The following ELMO1 variants were observed in gnomAD, a reference collection of about 807,000 sequenced individuals.
ELMO1 encodes the protein engulfment and cell motility protein 1.
ELMO1 carries 26 observed loss-of-function variants against 98.9 expected under a neutral mutation model. The observed-to-expected ratio is 0.26, with a 90% CI of 0.19 to 0.36. The LOEUF is 0.36. Among genes scored for constraint, ELMO1 ranks in the 10% least tolerant of loss-of-function variants. ELMO1 has a pLI of 1.00. For synonymous variants in ELMO1, 346 were observed against 346.0 expected, an observed-to-expected ratio of 1.00 and a Z score of 0.00; for missense variants, 627 against 935.2, an observed-to-expected ratio of 0.67 and a Z score of 4.30.
chr7:37,393,207 T>G (rs1316234327), intron 1 of ELMO1, among the ~76,000 whole-genome samples: 2 of 152,164 alleles, frequency 1.3e-5, no homozygotes, highest in Non-Finnish European at 2.9e-5. Context: ...ATAAATAAAT[T>G]TCATTCTTCC....
chr7:36,985,788 A>G (rs970440620), intron 16 of ELMO1: 4 of 459,736 alleles, frequency 8.7e-6, no homozygotes, highest in African/African-American at 8.6e-5. Context: ...CTCCTACATC[A>G]TGGGAACCCT....
intron 2 of ELMO1, among the ~76,000 whole-genome samples, chr7:37,323,937 A>G (rs1189920870): frequency 1.3e-5 from 2 of 151,972 alleles, no homozygotes; most frequent in Non-Finnish European, 2.9e-5. Flanking sequence ...CCTCTTCTTG[A>G]TCTCTTAAAA....
intron 5 of ELMO1, among the ~76,000 whole-genome samples, chr7:37,261,757 A>G (rs957093153): frequency 5.3e-5 from 8 of 152,160 alleles, no homozygotes; most frequent in Non-Finnish European, 8.8e-5. Flanking sequence ...TTCTTGCACC[A>G]TGCCTGGCTA....
At chr7:37,049,867 T>A (rs1342180737) in intron 15 of ELMO1, among the ~76,000 whole-genome samples, 2 of 148,908 alleles carry the variant, frequency 1.3e-5, no homozygotes, top group Non-Finnish European at 3.0e-5. Flanking sequence ...AACCTCCGAC[T>A]CCCAGGTTCA....
chr7:37,262,646 A>G (rs1488128855), intron 5 of ELMO1, among the ~76,000 whole-genome samples: 1 of 152,206 alleles, frequency 6.6e-6, no homozygotes, highest in Non-Finnish European at 1.5e-5. Context: ...GCTTTAGGGT[A>G]AATTTCCCTC....
At chr7:37,195,469 C>T (rs529417418) in intron 13 of ELMO1, among the ~76,000 whole-genome samples, 3 of 152,338 alleles carry the variant, frequency 2.0e-5, no homozygotes, top group East Asian at 1.9e-4. Flanking sequence ...ACCGATGGGA[C>T]GCCATTCTAC....
chr7:37,103,928 A>C (rs1784790714), intron 14 of ELMO1, among the ~76,000 whole-genome samples: 1 of 143,872 alleles, frequency 7.0e-6, no homozygotes, highest in African/African-American at 2.5e-5. Flanking sequence ...GGCATATGGC[A>C]TGAACCCGCG....
chr7:37,375,978 G>C (rs1244528173), intron 1 of ELMO1: 1 of 570,024 alleles, frequency 1.8e-6, no homozygotes, highest in African/African-American at 1.9e-5. Flanking sequence ...CTGAATTCCA[G>C]TTTAGAGGAG....
chr7:36,964,985 G>C (rs567735630), intron 16 of ELMO1, among the ~76,000 whole-genome samples: 16 of 152,102 alleles, frequency 1.1e-4, no homozygotes, highest in Non-Finnish European at 4.4e-5. Flanking sequence ...ATCACCCCCC[G>C]CATCCCCCAT....
chr7:37,229,806 A>T (rs1028867061), intron 8 of ELMO1, among the ~76,000 whole-genome samples: 1 of 152,266 alleles, frequency 6.6e-6, no homozygotes, highest in Non-Finnish European at 1.5e-5. Flanking sequence ...GGGAATGAGG[A>T]CATGAAATAG....
At chr7:37,037,382 T>G (rs571608538) in intron 15 of ELMO1, among the ~76,000 whole-genome samples, 1 of 152,292 alleles carries the variant, frequency 6.6e-6, no homozygotes, top group South Asian at 2.1e-4. Flanking sequence ...AGCCAAAAAG[T>G]GATCGGCCAT....
At chr7:36,927,057 T>C (rs1785634367) in intron 16 of ELMO1, among the ~76,000 whole-genome samples, 1 of 152,224 alleles carries the variant, frequency 6.6e-6, no homozygotes, top group African/African-American at 2.4e-5. Context: ...CTAACACTTC[T>C]AGAGAAATTG....
intron 15 of ELMO1, among the ~76,000 whole-genome samples, chr7:37,070,974 C>T (rs376437592): frequency 6.6e-6 from 1 of 152,110 alleles, no homozygotes; most frequent in African/African-American, 2.4e-5. Flanking sequence ...ATTCCCCCAC[C>T]GATTATCCTC....
intron 18 of ELMO1, among the ~76,000 whole-genome samples, chr7:36,887,205 T>C (rs537732502): frequency 5.3e-5 from 8 of 152,214 alleles, no homozygotes; most frequent in Non-Finnish European, 8.8e-5. Context: ...AAGTAATGCA[T>C]TGTAACAGGT....
chr7:37,364,973 G>C (rs183131013), intron 1 of ELMO1, among the ~76,000 whole-genome samples: 36 of 152,312 alleles, frequency 2.4e-4, no homozygotes, highest in Admixed American at 1.4e-3. Flanking sequence ...TAACTTGAAA[G>C]GTTAGAAATG....
At chr7:37,095,012 TG>T (rs1461752463) in intron 15 of ELMO1, among the ~76,000 whole-genome samples, 1 of 152,218 alleles carries the variant, frequency 6.6e-6, no homozygotes, top group African/African-American at 2.4e-5. Context: ...GGGCACGGCA[TG>T]TCATAGAACA....
rs1239018322 is a variant in ELMO1, at chr7:36,854,550, AAAAAACT to A, written c.*994_*1000del. The A allele has an allele frequency of 6.6e-6, 1 of 152,392 alleles. No homozygotes were observed. The highest frequency in any genetic ancestry group is 1.5e-5 in the Non-Finnish European group (1 of 68,018). The allele number at this position is 152,392 out of a possible 1,614,324, so 9.4% of individuals were successfully genotyped here. A position where few individuals can be genotyped will look rare whatever the true frequency, so the allele number is the denominator to read the frequency against. On this transcript the variant is annotated 3_prime_UTR_variant, in exon 22 of 22. Transcript: ENST00000310758. ...TACAAAAACAAAGCAAAAAAAAAAA[AAAAAACT>A]AACCCAAAACTCTTGCAAATTGTAA...
chr7:37,006,394 A>G (rs1233867897), intron 16 of ELMO1, among the ~76,000 whole-genome samples: 1 of 152,188 alleles, frequency 6.6e-6, no homozygotes, highest in East Asian at 1.9e-4. Flanking sequence ...AGTATTATTT[A>G]TTACTATTGC....
At position 36,914,113 on chromosome 7, in the gene ELMO1, A is replaced by G. The variant is rs79917008; in HGVS notation, c.1438-19096T>C. ...AGGAGAGCGTAAGGAAAGGGTAAGG[A>G]AAGCAGTTCACAAATAAGAGCCCTG... is the stretch of plus-strand genomic sequence containing the variant. On this transcript the variant is annotated intron_variant, in intron 16 of 21. Coordinates refer to ENST00000310758, the MANE Select transcript of ELMO1 (RefSeq NM_014800.11). 9.1e-3 allele frequency among the ~76,000 whole-genome samples: 1,382 copies of G among 152,324 alleles called. 16 individuals carry two copies. Among genetic ancestry groups the G allele is most frequent in the African/African-American group, 0.031 (1,296 of 41,568 alleles).
Sources: allele counts gnomAD v4.1 joint callset (sites outside exome capture counted in the v4.1 genomes callset), GRCh38; gene constraint gnomAD v4.1.1; transcripts MANE v1.5; gene names NCBI Gene and HGNC (gene_info 2026-07-23, HGNC 2026-07-21).